The following SH3KBP1 variants were observed in gnomAD, a reference collection of about 807,000 sequenced individuals.
SH3KBP1 encodes the protein SH3 domain containing kinase binding protein 1, also known as SH3 domain-containing kinase-binding protein 1.
Under a neutral mutation model 50.1 loss-of-function variants are expected in SH3KBP1, and 8 were observed. The observed-to-expected ratio is 0.16, with a 90% CI of 0.09 to 0.29. The LOEUF (loss-of-function observed/expected upper bound fraction) is 0.29. SH3KBP1 is among the 10% of genes least tolerant of loss of function. The probability of loss-of-function intolerance (pLI) is 1.00; values close to 1 mark genes in which losing one functional copy is unlikely to be tolerated. For missense variants in SH3KBP1, 377 were observed against 535.2 expected, an observed-to-expected ratio of 0.70 and a Z score of 2.92; for synonymous variants, 227 against 218.6, an observed-to-expected ratio of 1.04 and a Z score of -0.34.
chrX:19,716,111 T>C (rs2063902098), intron 3 of SH3KBP1, among the ~76,000 whole-genome samples: 1 of 112,086 alleles, frequency 8.9e-6, no homozygotes, highest in Non-Finnish European at 1.9e-5. Context: ...GGACGTCCAG[T>C]AGATTCCGAG....
At position 19,644,642 on chromosome X, in the gene SH3KBP1, AT is replaced by A. The variant is rs766092441; in HGVS notation, c.802+757del. Reference sequence around the variant, plus strand: ...ACTATGCCTATGAAATACATATGGGATTGTGAAGACTTCACATGAAGAGAGC... The same window carrying A: ...ACTATGCCTATGAAATACATATGGGATGTGAAGACTTCACATGAAGAGAGC... On this transcript the variant is annotated intron_variant, in intron 7 of 17. Coordinates refer to ENST00000397821, the MANE Select transcript of SH3KBP1 (RefSeq NM_031892.3). Among the ~76,000 whole-genome samples, 684 of 112,823 alleles carry A rather than the reference AT, an allele frequency of 6.1e-3. 8 individuals are homozygous for A. The highest frequency in any genetic ancestry group is 0.021 in the African/African-American group (654 of 31,054).
intron 7 of SH3KBP1, among the ~76,000 whole-genome samples, chrX:19,643,246 C>A (rs1602782327): frequency 9.2e-6 from 1 of 108,245 alleles, no homozygotes; most frequent in South Asian, 4.0e-4. Context: ...GAACAATTAC[C>A]CCAGAATTTG....
chrX:19,872,812 TTC>T (rs766238422), intron 1 of SH3KBP1, among the ~76,000 whole-genome samples: 35 of 97,751 alleles, frequency 3.6e-4, no homozygotes, highest in South Asian at 9.0e-4. Flanking sequence ...TCCATCTCTC[TTC>T]TCTCTCTCTC....
chrX:19,813,692 C>G (rs1295076521), intron 2 of SH3KBP1, among the ~76,000 whole-genome samples: 1 of 110,636 alleles, frequency 9.0e-6, no homozygotes, highest in Non-Finnish European at 1.9e-5. Context: ...ACTGGCATCA[C>G]CACCTGAGGC....
intron 3 of SH3KBP1, among the ~76,000 whole-genome samples, chrX:19,723,138 G>A (rs866732287): frequency 2.7e-5 from 2 of 75,450 alleles, no homozygotes; most frequent in Admixed American, 1.7e-4. Flanking sequence ...ATGAGACTCC[G>A]TCTCAAAAAA....
At chrX:19,843,008 CTTTTTTTTTTTTTTT>C in intron 1 of SH3KBP1, among the ~76,000 whole-genome samples, 1 of 65,177 alleles carries the variant, frequency 1.5e-5, no homozygotes, top group Admixed American at 1.7e-4. Context: ...CGTGCATCAA[CTTTTTTTTTTTTTTT>C]TTTTTTTTTT....
At chrX:19,750,219 C>T (rs951201751) in intron 2 of SH3KBP1, among the ~76,000 whole-genome samples, 8 of 111,724 alleles carry the variant, frequency 7.2e-5, no homozygotes, top group African/African-American at 2.6e-4. Flanking sequence ...CCACCTCACC[C>T]GGCTAATTTT....
At chrX:19,780,893 T>G (rs1397421420) in intron 2 of SH3KBP1, among the ~76,000 whole-genome samples, 1 of 112,107 alleles carries the variant, frequency 8.9e-6, no homozygotes, top group East Asian at 2.8e-4. Context: ...CTTTCTAAAT[T>G]TTAGCAGTCT....
intron 2 of SH3KBP1, among the ~76,000 whole-genome samples, chrX:19,831,834 C>T (rs746043355): frequency 1.1e-5 from 1 of 90,226 alleles, no homozygotes; most frequent in South Asian, 5.7e-4. Context: ...TACCCAATTC[C>T]ATCTGGGGAC....
chrX:19,720,552 T>C (rs757411966), intron 3 of SH3KBP1, among the ~76,000 whole-genome samples: 12 of 111,800 alleles, frequency 1.1e-4, no homozygotes, highest in Admixed American at 2.8e-4. Flanking sequence ...AAAGGAAAAA[T>C]TGAAGGAAGG....
At chrX:19,652,088 G>A (rs1027907479) in intron 6 of SH3KBP1, among the ~76,000 whole-genome samples, 8 of 111,316 alleles carry the variant, frequency 7.2e-5, no homozygotes, top group Non-Finnish European at 1.5e-4. Context: ...CAGAAAGAGA[G>A]GAGACGTCCT....
At chrX:19,696,069 C>T (rs923923158) in intron 4 of SH3KBP1, among the ~76,000 whole-genome samples, 16 of 111,990 alleles carry the variant, frequency 1.4e-4, no homozygotes, top group Admixed American at 9.4e-4. Context: ...TGTGACTCAT[C>T]ACCAAACAAA....
intron 9 of SH3KBP1, among the ~76,000 whole-genome samples, chrX:19,602,006 G>C (rs1223523011): frequency 9.0e-6 from 1 of 110,745 alleles, no homozygotes; most frequent in Non-Finnish European, 1.9e-5. Context: ...TGGTCAGCCA[G>C]GCCTTGGCAT....
chrX:19,819,979 T>C (rs1446277786), intron 2 of SH3KBP1, among the ~76,000 whole-genome samples: 1 of 112,012 alleles, frequency 8.9e-6, no homozygotes, highest in Non-Finnish European at 1.9e-5. Context: ...TGTGGATTAT[T>C]TAGAAGTGTG....
At chrX:19,782,117 C>T (rs2066199533) in intron 2 of SH3KBP1, among the ~76,000 whole-genome samples, 1 of 111,459 alleles carries the variant, frequency 9.0e-6, no homozygotes, top group Non-Finnish European at 1.9e-5. Context: ...ATGAAGAGAT[C>T]ATTCTGGATT....
At chrX:19,659,334 C>T (rs1320634041) in intron 6 of SH3KBP1, among the ~76,000 whole-genome samples, 2 of 110,003 alleles carry the variant, frequency 1.8e-5, no homozygotes, top group Non-Finnish European at 3.8e-5. Context: ...AGGCTGGTCT[C>T]GAACTCCTGA....
At chrX:19,608,783 C>T (rs953898773) in intron 8 of SH3KBP1, among the ~76,000 whole-genome samples, 1 of 112,334 alleles carries the variant, frequency 8.9e-6, no homozygotes, top group African/African-American at 3.2e-5. Flanking sequence ...GTCAGCCAAC[C>T]AGAAGAAAAA....
chrX:19,613,954 T>C (rs558739658), intron 8 of SH3KBP1, among the ~76,000 whole-genome samples: 2 of 113,053 alleles, frequency 1.8e-5, no homozygotes, highest in Middle Eastern at 4.6e-3. Flanking sequence ...GTTGTTGTTA[T>C]TGTCATCATC....
chrX:19,807,093 T>C (rs1167879830), intron 2 of SH3KBP1, among the ~76,000 whole-genome samples: 1 of 111,809 alleles, frequency 8.9e-6, no homozygotes, highest in East Asian at 2.8e-4. Flanking sequence ...AGTAGCTGAG[T>C]TAATACAAAG....
Sources: gnomAD v4.1 joint callset for allele counts (sites outside exome capture counted in the v4.1 genomes callset) on GRCh38, gnomAD v4.1.1 for gene constraint, MANE v1.5 for transcripts, NCBI Gene and HGNC (gene_info 2026-07-23, HGNC 2026-07-21) for gene names.